The following LCA5 variants were observed in gnomAD, a reference collection of about 807,000 sequenced individuals.
LCA5 encodes the protein lebercilin LCA5.
LCA5 carries 37 observed loss-of-function variants against 53.0 expected under a neutral mutation model. The observed-to-expected ratio is 0.70, with a 90% CI of 0.54 to 0.92. LCA5 has a LOEUF of 0.92. Among genes scored for constraint, LCA5 ranks in the 40% least tolerant of loss-of-function variants. The pLI is 0.00. For missense variants in LCA5, 806 were observed against 790.5 expected, an observed-to-expected ratio of 1.02 and a Z score of -0.23; for synonymous variants, 303 against 282.9, an observed-to-expected ratio of 1.07 and a Z score of -0.71.
intron 1 of LCA5, among the ~76,000 whole-genome samples, chr6:79,535,654 A>C (rs1302646402): frequency 6.6e-6 from 1 of 152,166 alleles, no homozygotes; most frequent in African/African-American, 2.4e-5. Flanking sequence ...GCCTATGGAT[A>C]GGAAATTTAT....
At position 79,485,537 on chromosome 6, in the gene LCA5, T is replaced by C. The variant is rs912365313; in HGVS notation, c.*1467A>G. On this transcript the variant is annotated 3_prime_UTR_variant, in exon 8 of 8. Coordinates refer to ENST00000369846, the MANE Select transcript of LCA5 (RefSeq NM_001122769.3). ...TTCCCAATAAATGAAAGGAACACAA[T>C]TTAGAAGATGACAGGTGGTACATCT... 1.3e-5 allele frequency: 2 copies of C among 152,316 alleles called. No individual in the cohort carries two copies. Among genetic ancestry groups the C allele is most frequent in the African/African-American group, 4.8e-5 (2 of 41,432 alleles). 9.4% of individuals were successfully genotyped at this position (152,316 alleles called of 1,614,324 possible).
chr6:79,524,947 C>T (rs1766738276), intron 1 of LCA5, among the ~76,000 whole-genome samples: 1 of 151,848 alleles, frequency 6.6e-6, no homozygotes, highest in Admixed American at 6.6e-5. Flanking sequence ...AATAATAAGG[C>T]TACTTTTTTC....
chr6:79,524,103 C>A (rs889738261), intron 1 of LCA5, among the ~76,000 whole-genome samples: 1 of 152,156 alleles, frequency 6.6e-6, no homozygotes, highest in African/African-American at 2.4e-5. Flanking sequence ...CTACCAGCTT[C>A]TTAATCTACC....
At chr6:79,525,327 C>G (rs1766751703) in intron 1 of LCA5, 1 of 152,158 alleles carries the variant, frequency 6.6e-6, no homozygotes, top group African/African-American at 2.4e-5. Flanking sequence ...GAAATCCCCT[C>G]GTTTTAGCAG....
chr6:79,538,018 GTTTTTTTTTTTTTT>G (rs869197362), upstream of LCA5, among the ~76,000 whole-genome samples: 273 of 44,156 alleles, frequency 6.2e-3, 4 homozygotes, highest in Non-Finnish European at 9.1e-3. Flanking sequence ...TTGCACACAA[GTTTTTTTTTTTTTT>G]TTTTTTTTTT....
chr6:79,492,090 A>G (rs374200242), intron 5 of LCA5, among the ~76,000 whole-genome samples: 1 of 152,176 alleles, frequency 6.6e-6, no homozygotes, highest in East Asian at 1.9e-4. Flanking sequence ...GTTAAAAAAG[A>G]AAGTAAAACT....
chr6:79,508,649 C>T (rs994525125), intron 3 of LCA5, among the ~76,000 whole-genome samples: 1 of 151,598 alleles, frequency 6.6e-6, no homozygotes, highest in African/African-American at 2.4e-5. Flanking sequence ...AACACCACCA[C>T]ATAGACAAGT....
chr6:79,505,421 AAAT>A (rs1770248884), intron 3 of LCA5, among the ~76,000 whole-genome samples: 1 of 152,198 alleles, frequency 6.6e-6, no homozygotes, highest in Admixed American at 6.6e-5. Context: ...CTCCAACATT[AAAT>A]AATAGATATA....
chr6:79,514,434 C>T (rs1260917353), intron 2 of LCA5, among the ~76,000 whole-genome samples: 2 of 152,094 alleles, frequency 1.3e-5, no homozygotes, highest in Non-Finnish European at 2.9e-5. Context: ...ATTAGTTCAA[C>T]CACTGTGAAA....
At position 79,486,227 on chromosome 6, in the gene LCA5, T is replaced by C. The variant is rs1769649069; in HGVS notation, c.*777A>G. ...TATTCCTTGCATTTGGCATGAAATC[T>C]TACACCCAGTCACTGAGATACAAAG... On this transcript the variant is annotated 3_prime_UTR_variant, in exon 8 of 8. Coordinates refer to ENST00000369846, the MANE Select transcript of LCA5 (RefSeq NM_001122769.3). The C allele has an allele frequency of 6.6e-6, 1 of 152,180 alleles. No homozygotes were observed. The highest frequency in any genetic ancestry group is 2.4e-5 in the African/African-American group (1 of 41,432). The allele number at this position is 152,180 out of a possible 1,614,324, so 9.4% of individuals were successfully genotyped here.
At chr6:79,505,585 C>T (rs1274040016) in intron 3 of LCA5, among the ~76,000 whole-genome samples, 3 of 152,148 alleles carry the variant, frequency 2.0e-5, no homozygotes, top group South Asian at 2.1e-4. Context: ...TCAGATGAAA[C>T]GACTGCAACC....
intron 1 of LCA5, among the ~76,000 whole-genome samples, chr6:79,534,461 T>C (rs1331718282): frequency 2.6e-5 from 4 of 152,038 alleles, no homozygotes; most frequent in African/African-American, 7.2e-5. Flanking sequence ...ACCTATGAAA[T>C]GTCAGGCGCT....
intron 1 of LCA5, among the ~76,000 whole-genome samples, chr6:79,520,410 T>C (rs990886949): frequency 1.3e-5 from 2 of 151,994 alleles, no homozygotes; most frequent in Non-Finnish European, 2.9e-5. Flanking sequence ...ATTCAGAAAC[T>C]GAAAACATTT....
chr6:79,526,687 C>T (rs966658529), intron 1 of LCA5, among the ~76,000 whole-genome samples: 4 of 152,182 alleles, frequency 2.6e-5, no homozygotes, highest in African/African-American at 4.8e-5. Flanking sequence ...ATTATCCACA[C>T]CCCTTGGCAT....
intron 3 of LCA5, among the ~76,000 whole-genome samples, chr6:79,512,193 C>T (rs1770426238): frequency 6.6e-6 from 1 of 152,130 alleles, no homozygotes; most frequent in African/African-American, 2.4e-5. Flanking sequence ...TCCTACCCTA[C>T]TTCATGGGTA....
At chr6:79,494,215 G>A (rs1769918694) in intron 3 of LCA5, among the ~76,000 whole-genome samples, 1 of 150,692 alleles carries the variant, frequency 6.6e-6, no homozygotes, top group African/African-American at 2.4e-5. Flanking sequence ...AGCCTTGGTA[G>A]ACAAAACAAG....
chr6:79,523,491 A>C (rs1453454971), intron 1 of LCA5, among the ~76,000 whole-genome samples: 2 of 152,218 alleles, frequency 1.3e-5, no homozygotes, highest in African/African-American at 4.8e-5. Flanking sequence ...GTGAGGATTA[A>C]ATGGGATAAT....
At chr6:79,523,017 A>G (rs1480246839) in intron 1 of LCA5, among the ~76,000 whole-genome samples, 1 of 152,198 alleles carries the variant, frequency 6.6e-6, no homozygotes, top group Non-Finnish European at 1.5e-5. Context: ...GGGTAAGGGT[A>G]AAGATTATAC....
chr6:79,488,702 T>C (rs1006998489), intron 7 of LCA5: 3 of 337,172 alleles, frequency 8.9e-6, no homozygotes, highest in Non-Finnish European at 1.6e-5. Flanking sequence ...AATAGTTCTT[T>C]AGCTATTCTT....
Sources: allele counts gnomAD v4.1 joint callset (sites outside exome capture counted in the v4.1 genomes callset), GRCh38; gene constraint gnomAD v4.1.1; transcripts MANE v1.5; gene names NCBI Gene and HGNC (gene_info 2026-07-23, HGNC 2026-07-21).